Variants in LUZP2 observed in about 807,000 individuals in gnomAD.
LUZP2 encodes leucine zipper protein 2.
In LUZP2, 52 loss-of-function variants were observed where a neutral mutation model predicts 51.6. The observed-to-expected ratio is 1.01, with a 90% CI of 0.81 to 1.27. The LOEUF (loss-of-function observed/expected upper bound fraction) is 1.27, where lower values mean the gene tolerates loss of function less well. Among genes scored for constraint, LUZP2 ranks in the 50% most tolerant of loss-of-function variants. LUZP2 has a pLI of 0.00. For synonymous variants in LUZP2, 154 were observed against 137.3 expected (o/e 1.12, Z -0.85); for missense variants, 436 against 395.4 (o/e 1.10, Z -0.87).
intron 9 of LUZP2, among the ~76,000 whole-genome samples, chr11:25,038,284 C>G (rs1014990874): frequency 6.6e-6 from 1 of 152,044 alleles, no homozygotes; most frequent in African/African-American, 2.4e-5. Flanking sequence ...CTTTCCTCAG[C>G]TTGGTCTATT....
intron 9 of LUZP2, among the ~76,000 whole-genome samples, chr11:24,996,479 C>G (rs777544835): frequency 6.6e-6 from 1 of 151,946 alleles, no homozygotes; most frequent in East Asian, 1.9e-4. Flanking sequence ...CAGATTAGAA[C>G]TAGGATTTTC....
intron 9 of LUZP2, among the ~76,000 whole-genome samples, chr11:25,043,742 T>C (rs1858153615): frequency 6.7e-6 from 1 of 148,326 alleles, no homozygotes; most frequent in Non-Finnish European, 1.5e-5. Context: ...TCAGACTATA[T>C]ATAATATACA....
intron 1 of LUZP2, among the ~76,000 whole-genome samples, chr11:24,678,259 A>C (rs932756791): frequency 2.6e-5 from 4 of 152,196 alleles, no homozygotes; most frequent in Non-Finnish European, 4.4e-5. Context: ...TTTTTGTATT[A>C]TCTGTGGATG....
chr11:24,654,025 A>G (rs1428758173), intron 1 of LUZP2, among the ~76,000 whole-genome samples: 1 of 152,224 alleles, frequency 6.6e-6, no homozygotes, highest in African/African-American at 2.4e-5. Flanking sequence ...AGACTTTTAA[A>G]CAATTATAAT....
chr11:24,832,492 A>G (rs948110549), intron 5 of LUZP2, among the ~76,000 whole-genome samples: 1 of 151,974 alleles, frequency 6.6e-6, no homozygotes, highest in South Asian at 2.1e-4. Flanking sequence ...ATATATTATT[A>G]CATACCAGAA....
chr11:24,538,633 GTATT>G lies in LUZP2; in HGVS notation c.62+41332_62+41335del, dbSNP rs1346963063. Among the ~76,000 whole-genome samples, 5 of 137,924 alleles carry G rather than the reference GTATT, an allele frequency of 3.6e-5. No individual in the cohort carries two copies. In the East Asian group the frequency reaches 6.5e-4, roughly 18 times the overall value. 90.5% of individuals were successfully genotyped at this position (137,924 alleles called of 152,430 possible). A position where few individuals can be genotyped will look rare whatever the true frequency, so the allele number is the denominator to read the frequency against. ...CTACAAAATACACACATATATATGT[GTATT>G]TATGTGTTTTTTATATGTGTGTGTG... is the stretch of plus-strand genomic sequence containing the variant. On this transcript the variant is annotated intron_variant, in intron 1 of 11. Transcript: ENST00000336930.
intron 1 of LUZP2, among the ~76,000 whole-genome samples, chr11:24,601,962 GTA>G (rs1172068671): frequency 1.5e-5 from 2 of 131,562 alleles, no homozygotes; most frequent in Admixed American, 7.9e-5. Flanking sequence ...ATGTATATAT[GTA>G]TATATGTGTA....
At chr11:24,628,758 C>A (rs561771658) in intron 1 of LUZP2, among the ~76,000 whole-genome samples, 1 of 152,000 alleles carries the variant, frequency 6.6e-6, no homozygotes, top group African/African-American at 2.4e-5. Flanking sequence ...AGGGTTTCAC[C>A]GTGTTGGCCA....
intron 1 of LUZP2, among the ~76,000 whole-genome samples, chr11:24,630,622 TG>T (rs1456723944): frequency 6.6e-6 from 1 of 151,878 alleles, no homozygotes; most frequent in Non-Finnish European, 1.5e-5. Flanking sequence ...TCAGGTAATA[TG>T]GTGCCTCCAG....
intron 4 of LUZP2, among the ~76,000 whole-genome samples, chr11:24,740,467 A>G (rs566059662): frequency 1.8e-4 from 27 of 152,200 alleles, no homozygotes; most frequent in African/African-American, 6.5e-4. Context: ...TCCCCCCAAA[A>G]TTCTTCACTA....
intron 5 of LUZP2, among the ~76,000 whole-genome samples, chr11:24,823,465 A>T (rs1479198357): frequency 4.0e-5 from 6 of 151,894 alleles, no homozygotes; most frequent in Non-Finnish European, 8.8e-5. Context: ...ACTTATATTG[A>T]GTGTAATACA....
intron 7 of LUZP2, among the ~76,000 whole-genome samples, chr11:24,966,712 TATA>T (rs1420624185): frequency 6.8e-6 from 1 of 147,962 alleles, no homozygotes; most frequent in Non-Finnish European, 1.5e-5. Flanking sequence ...TATATACACA[TATA>T]ATGTGTGTGC....
chr11:25,039,327 A>G (rs1339525619), intron 9 of LUZP2, among the ~76,000 whole-genome samples: 1 of 152,068 alleles, frequency 6.6e-6, no homozygotes, highest in Non-Finnish European at 1.5e-5. Context: ...AGGTGGAGCA[A>G]AGGACCCAGG....
At chr11:24,681,119 C>T (rs1216779264) in intron 1 of LUZP2, among the ~76,000 whole-genome samples, 1 of 151,898 alleles carries the variant, frequency 6.6e-6, no homozygotes, top group East Asian at 1.9e-4. Context: ...GTAGTTGGGA[C>T]TACAGGCGCC....
intron 1 of LUZP2, among the ~76,000 whole-genome samples, chr11:24,635,732 G>A (rs1407743101): frequency 1.3e-5 from 2 of 152,098 alleles, no homozygotes; most frequent in African/African-American, 4.8e-5. Flanking sequence ...CAGACCCTGT[G>A]AAACTTGAAA....
At chr11:24,717,506 C>T (rs2098884414) in intron 1 of LUZP2, among the ~76,000 whole-genome samples, 2 of 150,428 alleles carry the variant, frequency 1.3e-5, no homozygotes, top group Non-Finnish European at 2.9e-5. Flanking sequence ...CCCCCGAGTT[C>T]ACGCCATTCT....
intron 5 of LUZP2, among the ~76,000 whole-genome samples, chr11:24,780,007 A>C (rs1377173783): frequency 6.6e-6 from 1 of 151,920 alleles, no homozygotes; most frequent in Non-Finnish European, 1.5e-5. Flanking sequence ...GAGGGAGCTC[A>C]ACACAGCTTG....
chr11:24,912,347 G>GA (rs1853660422), intron 6 of LUZP2, among the ~76,000 whole-genome samples: 1 of 151,792 alleles, frequency 6.6e-6, no homozygotes, highest in African/African-American at 2.4e-5. Flanking sequence ...AAATATCTGT[G>GA]AAAAAACTGT....
chr11:24,609,861 A>G (rs977518083), intron 1 of LUZP2, among the ~76,000 whole-genome samples: 3 of 152,188 alleles, frequency 2.0e-5, no homozygotes, highest in African/African-American at 7.2e-5. Flanking sequence ...TGGAGGTCAC[A>G]GCAAACCAAA....
Sources: gnomAD v4.1 joint callset for allele counts (sites outside exome capture counted in the v4.1 genomes callset) on GRCh38, gnomAD v4.1.1 for gene constraint, MANE v1.5 for transcripts, NCBI Gene and HGNC (gene_info 2026-07-23, HGNC 2026-07-21) for gene names.